The following PPEF2 variants were observed in gnomAD, a reference collection of about 807,000 sequenced individuals.
The protein encoded by PPEF2 is serine/threonine-protein phosphatase with EF-hands 2.
PPEF2 carries 84 observed loss-of-function variants against 84.7 expected under a neutral mutation model. That is an observed-to-expected ratio of 0.99 (90% CI 0.83 to 1.19). The LOEUF is 1.19. Among genes scored for constraint, PPEF2 ranks in the 50% most tolerant of loss-of-function variants. The pLI, the probability that PPEF2 is intolerant of heterozygous loss-of-function variation, is 0.00. For missense variants in PPEF2, 924 were observed against 937.5 expected (o/e 0.99, Z 0.19); for synonymous variants, 346 against 345.2 (o/e 1.00, Z -0.03).
intron 11 of PPEF2, among the ~76,000 whole-genome samples, chr4:75,875,928 A>G (rs1724394926): frequency 6.6e-6 from 1 of 152,162 alleles, no homozygotes; most frequent in Non-Finnish European, 1.5e-5. Flanking sequence ...CTGGTAACAG[A>G]GGAAAGAAGC....
At chr4:75,880,565 C>A (rs1724542387) in intron 10 of PPEF2, among the ~76,000 whole-genome samples, 1 of 152,196 alleles carries the variant, frequency 6.6e-6, no homozygotes, top group Non-Finnish European at 1.5e-5. Flanking sequence ...AAATATGATT[C>A]TTCCCATGAG....
chr4:75,866,715 T>C (rs967122278), intron 14 of PPEF2, among the ~76,000 whole-genome samples: 1 of 152,224 alleles, frequency 6.6e-6, no homozygotes, highest in African/African-American at 2.4e-5. Context: ...TTGTAAATGA[T>C]ATCATAAAAT....
At chr4:75,875,440 C>A (rs1724384779) in intron 11 of PPEF2, among the ~76,000 whole-genome samples, 2 of 151,934 alleles carry the variant, frequency 1.3e-5, no homozygotes, top group Non-Finnish European at 2.9e-5. Flanking sequence ...GAAATGCTAT[C>A]TCTTCAAAAA....
At position 75,882,984 on chromosome 4, in the gene PPEF2, T is replaced by A. The variant is rs202142922; in HGVS notation, c.875A>T (p.His292Leu). ...ATCAGTTATGTCTGACACCCCACCA[T>A]GAAGAATTAGAACTTTCTCATCTAT... Reference protein sequence around the residue: ...TLIDEKVLILHGGVSDITDLE... With the variant: ...TLIDEKVLILLGGVSDITDLE... Residue 292 changes from histidine to leucine, a missense_variant, in exon 10 of 17, where the codon CAT (histidine) becomes CTT (leucine). Coordinates refer to ENST00000286719, the MANE Select transcript of PPEF2 (RefSeq NM_006239.3). 6.2e-7 allele frequency: 1 copy of A among 1,614,200 alleles called. No individual in the cohort carries two copies. The highest frequency in any genetic ancestry group is 1.3e-5 in the African/African-American group (1 of 75,060).
At position 75,880,845 on chromosome 4, in the gene PPEF2, G is replaced by C. The variant is rs564073631; in HGVS notation, c.933+2081C>G. The stretch of plus-strand genomic sequence containing the variant: ...AGACAGAGTCTCACTCTGTCGCCAG[G>C]CTGGAGTGCAGTGGCACAATCTTGG... On this transcript the variant is annotated intron_variant, in intron 10 of 16. Transcript: ENST00000286719. 1.2e-3 allele frequency among the ~76,000 whole-genome samples: 176 copies of C among 147,492 alleles called. 1 individual carries two copies. Among genetic ancestry groups the C allele is most frequent in the Non-Finnish European group, 2.3e-3 (156 of 67,428 alleles).
Position 75,889,824 on chromosome 4 carries a change from G to C in PPEF2, c.417+133C>G, listed in dbSNP as rs1208967691. 9.2e-6 allele frequency: 9 copies of C among 983,562 alleles called. No individual in the cohort carries two copies. In the African/African-American group the frequency reaches 1.3e-4, roughly 14 times the overall value. The allele number at this position is 983,562 out of a possible 1,614,324, so 60.9% of individuals were successfully genotyped here. A position where few individuals can be genotyped will look rare whatever the true frequency, so the allele number is the denominator to read the frequency against. Reference sequence around the variant, plus strand: ...TGCAAGGTCCTGGCTAAGCACAGCAGGGGTAGAATCTCTCTAGTGGACACA... The same window carrying C: ...TGCAAGGTCCTGGCTAAGCACAGCACGGGTAGAATCTCTCTAGTGGACACA... On this transcript the variant is annotated intron_variant, in intron 5 of 16. Coordinates refer to ENST00000286719, the MANE Select transcript of PPEF2 (RefSeq NM_006239.3).
chr4:75,873,085 T>C (rs767619915), intron 12 of PPEF2, 42 bp downstream of exon 12: 205 of 1,559,078 alleles, frequency 1.3e-4, no homozygotes, highest in Non-Finnish European at 1.8e-4. Flanking sequence ...CGGACTACTT[T>C]GGTGACACAC....
At chr4:75,884,839 A>G (rs1724684348) in intron 7 of PPEF2, 79 bp from the exon 8 acceptor site, 1 of 1,236,182 alleles carries the variant, frequency 8.1e-7, no homozygotes, top group Admixed American at 2.3e-5. Flanking sequence ...TAGGCATTTG[A>G]CAATCACATC....
At chr4:75,891,189 AAAAGAAAAG>A (rs1560487780) in intron 4 of PPEF2, among the ~76,000 whole-genome samples, 2 of 141,840 alleles carry the variant, frequency 1.4e-5, no homozygotes, top group African/African-American at 2.9e-5. Flanking sequence ...TCAAAAAAAA[AAAAGAAAAG>A]AAAAGAAAAG....
intron 2 of PPEF2, among the ~76,000 whole-genome samples, chr4:75,893,395 G>A (rs934318867): frequency 6.6e-6 from 1 of 152,142 alleles, no homozygotes; most frequent in Non-Finnish European, 1.5e-5. Flanking sequence ...CTACTTGGGA[G>A]CCTGAGGTAG....
intron 4 of PPEF2, 113 bp from the exon 5 acceptor site, chr4:75,890,245 C>A: frequency 8.4e-7 from 1 of 1,189,324 alleles, no homozygotes; most frequent in Non-Finnish European, 1.2e-6. Flanking sequence ...CAGAAATTTG[C>A]GGGGCCAAGG....
At chr4:75,900,574 T>C (rs1176910294) in intron 1 of PPEF2, among the ~76,000 whole-genome samples, 1 of 152,192 alleles carries the variant, frequency 6.6e-6, no homozygotes, top group Non-Finnish European at 1.5e-5. Context: ...CTCATCTGTT[T>C]CTCTGTTATT....
chr4:75,874,808 T>A (rs993750438), intron 11 of PPEF2, among the ~76,000 whole-genome samples: 6 of 152,042 alleles, frequency 3.9e-5, no homozygotes, highest in African/African-American at 1.4e-4. Context: ...AGACTCAGAG[T>A]CAGCTGCAAC....
chr4:75,891,180 CA>C (rs35660911), intron 4 of PPEF2, among the ~76,000 whole-genome samples: 102 of 135,976 alleles, frequency 7.5e-4, no homozygotes, highest in Admixed American at 1.4e-3. Flanking sequence ...GACTCTGTCT[CA>C]AAAAAAAAAA....
chr4:75,887,707 A>G (rs746980447), intron 6 of PPEF2, among the ~76,000 whole-genome samples: 1 of 152,012 alleles, frequency 6.6e-6, no homozygotes, highest in Non-Finnish European at 1.5e-5. Context: ...AGGGCCAGTT[A>G]CAATCCCTCC....
At chr4:75,899,790 G>A (rs1435444291) in intron 1 of PPEF2, among the ~76,000 whole-genome samples, 1 of 102,954 alleles carries the variant, frequency 9.7e-6, no homozygotes, top group Non-Finnish European at 2.2e-5. Context: ...CAACAAAACT[G>A]CTCCTAAATA....
chr4:75,891,928 G>A lies in PPEF2; in HGVS notation c.106C>T (p.Arg36Cys), dbSNP rs757316881. 2.5e-5 allele frequency: 41 copies of A among 1,614,088 alleles called. No individual in the cohort carries two copies. The highest frequency in any genetic ancestry group is 1.2e-4 in the South Asian group (11 of 91,070). ...GTGCAACGCCGCCTCATCTCCAGGC[G>A]GGCCACGTAGCGCCGGTACCATCTC... ...IQRWYRRYVA[R>C]LEMRRRCTWS... The change falls in exon 3 of 17, where the codon CGC becomes TGC. Residue 36 changes from arginine (R) to cysteine (C), a missense_variant. Transcript: ENST00000286719.
chr4:75,900,747 T>C (rs1725102004), intron 1 of PPEF2, among the ~76,000 whole-genome samples: 1 of 152,150 alleles, frequency 6.6e-6, no homozygotes, highest in African/African-American at 2.4e-5. Flanking sequence ...CCTCCTCAGA[T>C]AAAAAGCACC....
At chr4:75,886,519 AAGTC>A (rs1476867705) in intron 7 of PPEF2, among the ~76,000 whole-genome samples, 1 of 152,174 alleles carries the variant, frequency 6.6e-6, no homozygotes. Context: ...GATCTACTGA[AAGTC>A]AGCCCTCGAC....
Sources: allele counts gnomAD v4.1 joint callset (sites outside exome capture counted in the v4.1 genomes callset), GRCh38; gene constraint gnomAD v4.1.1; transcripts MANE v1.5; gene names NCBI Gene and HGNC (gene_info 2026-07-23, HGNC 2026-07-21).